The following TYRO3 variants were observed in gnomAD, a reference collection of about 807,000 sequenced individuals.
TYRO3 encodes TYRO3 protein tyrosine kinase.
In TYRO3, 38 loss-of-function variants were observed where a neutral mutation model predicts 95.2. The ratio of observed to expected loss-of-function variants is 0.40; its 90% CI spans 0.31 to 0.52. The LOEUF (loss-of-function observed/expected upper bound fraction) is 0.52. Ranked by LOEUF, TYRO3 falls within the 20% of genes least tolerant of loss-of-function variation. The probability of loss-of-function intolerance (pLI) is 0.56; values close to 1 mark genes in which losing one functional copy is unlikely to be tolerated. For synonymous variants in TYRO3, 367 were observed against 432.9 expected (o/e 0.85, Z 1.89); for missense variants, 812 against 1,116.4 (o/e 0.73, Z 3.89).
At chr15:41,567,236 G>A (rs886712357) in intron 6 of TYRO3, 124 bp from the exon 7 acceptor site, 58 of 741,968 alleles carry the variant, frequency 7.8e-5, no homozygotes, top group Non-Finnish European at 1.1e-4. Flanking sequence ...CAGATGGGAG[G>A]GCGTGGGTTG....
intron 18 of TYRO3, among the ~76,000 whole-genome samples, chr15:41,576,180 A>G (rs1225041066): frequency 6.6e-6 from 1 of 150,982 alleles, no homozygotes; most frequent in Non-Finnish European, 1.5e-5. Flanking sequence ...CAAAAGTTAT[A>G]TATGAATAGT....
chr15:41,559,395 C>T lies in TYRO3; in HGVS notation c.124+14C>T, dbSNP rs929723604. On this transcript the variant is annotated intron_variant, in intron 1 of 18. Coordinates refer to ENST00000263798, the MANE Select transcript of TYRO3 (RefSeq NM_006293.4). ...CCGCCGCCGCAGGTAGGGGCTGGCA[C>T]GGGAGGCGGCGGGAAGCGGGGGGCT... 1.1e-4 allele frequency: 20 copies of T among 176,052 alleles called. No individual in the cohort carries two copies. The highest frequency in any genetic ancestry group is 1.8e-4 in the Non-Finnish European group (15 of 81,488). The allele number at this position is 176,052 out of a possible 1,614,324, so 10.9% of individuals were successfully genotyped here. A position where few individuals can be genotyped will look rare whatever the true frequency, so the allele number is the denominator to read the frequency against.
rs943323348 is a variant in TYRO3 at position 41,577,767 on chromosome 15, C to A, written c.2283-119C>A. 3 of 1,063,080 alleles carry A rather than the reference C, an allele frequency of 2.8e-6. 1 individual carries two copies. Among genetic ancestry groups the A allele is most frequent in the South Asian group, 3.2e-5 (2 of 61,642 alleles). The allele number at this position is 1,063,080 out of a possible 1,614,324, so 65.9% of individuals were successfully genotyped here. On this transcript the variant is annotated intron_variant, in intron 18 of 18. Transcript: ENST00000263798. Reference sequence around the variant, plus strand: ...TCCCAAAGTGTTGAGATTACAGATGCGAGCCGCTGTGCCCCACCAGGGAAT... The same window carrying A: ...TCCCAAAGTGTTGAGATTACAGATGAGAGCCGCTGTGCCCCACCAGGGAAT...
rs901847458 is a variant in TYRO3, at chr15:41,583,454, A to G, written c.*5178A>G. On this transcript the variant is annotated 3_prime_UTR_variant, in exon 19 of 19. Transcript: ENST00000263798. Reference sequence around the variant, plus strand: ...AGAATTTCTTGAATAATCTGTCTCCATTTCTCTATATAGCCTCATTGATCT... The same window carrying G: ...AGAATTTCTTGAATAATCTGTCTCCGTTTCTCTATATAGCCTCATTGATCT... 2 of 152,086 alleles carry G rather than the reference A, an allele frequency of 1.3e-5. No individual in the cohort carries two copies. The highest frequency in any genetic ancestry group is 2.4e-5 in the African/African-American group (1 of 41,400). 9.4% of individuals were successfully genotyped at this position (152,086 alleles called of 1,614,324 possible).
At chr15:41,575,372 G>A (rs1407058046) in intron 18 of TYRO3, among the ~76,000 whole-genome samples, 1 of 152,254 alleles carries the variant, frequency 6.6e-6, no homozygotes, top group Non-Finnish European at 1.5e-5. Context: ...AAGCTCTGAA[G>A]GGCAGTGGGG....
rs768420836 is a variant in TYRO3 at position 41,573,438 on chromosome 15, G to A, written c.2116G>A (p.Asp706Asn). The change falls in exon 17 of 19, where the codon GAC becomes AAC. Residue 706 changes from aspartate to asparagine, a missense_variant. Coordinates refer to ENST00000263798, the MANE Select transcript of TYRO3 (RefSeq NM_006293.4). ...VKWLALESLA[D>N]NLYTVQSDVW... ...GTGGCTGGCCCTGGAGAGCCTGGCC[G>A]ACAACCTGTATACTGTGCAGAGTGA... 18 of 1,614,256 alleles carry A rather than the reference G, an allele frequency of 1.1e-5. No homozygotes were observed. The highest frequency in any genetic ancestry group is 1.6e-4 in the Middle Eastern group (1 of 6,062).
At position 41,571,191 on chromosome 15, in the gene TYRO3, C is replaced by T. The variant is rs536967534; in HGVS notation, c.1660+73C>T. The T allele has an allele frequency of 2.8e-6, 4 of 1,433,928 alleles. No homozygotes were observed. The Admixed American group carries it at 6.7e-5, about 24-fold the overall frequency. The allele number at this position is 1,433,928 out of a possible 1,614,324, so 88.8% of individuals were successfully genotyped here. On this transcript the variant is annotated intron_variant, in intron 13 of 18. Coordinates refer to ENST00000263798, the MANE Select transcript of TYRO3 (RefSeq NM_006293.4). Reference sequence around the variant, plus strand: ...GAGGGGCGACTGACCCTGAAGCAGGCTCTGCTTTGCCCCTAGATTTTCCAA... The same window carrying T: ...GAGGGGCGACTGACCCTGAAGCAGGTTCTGCTTTGCCCCTAGATTTTCCAA...
In TYRO3 at chr15:41,576,687, A is replaced by G. The variant is rs920658125; in HGVS notation, c.2283-1199A>G. 7.7e-4 allele frequency among the ~76,000 whole-genome samples: 108 copies of G among 140,608 alleles called. 1 individual carries two copies. In the South Asian group the frequency reaches 0.019, roughly 24 times the overall value. 92.2% of individuals were successfully genotyped at this position (140,608 alleles called of 152,430 possible). On this transcript the variant is annotated intron_variant, in intron 18 of 18. Coordinates refer to ENST00000263798, the MANE Select transcript of TYRO3 (RefSeq NM_006293.4). ...TTTTTTTTAAAAAAAAAAAAGAGAA[A>G]GGGCCTCGCTCTGACAGCCAGGCTG...
chr15:41,561,546 T>A lies in TYRO3; in HGVS notation c.316T>A (p.Ser106Thr). The change falls in exon 3 of 19, where the codon TCA becomes ACA. Residue 106 changes from serine (S) to threonine (T), a missense_variant. By Grantham distance (58) the Ser-to-Thr change is moderately conservative. Transcript: ENST00000263798. Reference sequence around the variant, plus strand: ...CGTATCCTGTTTCCACAGCCTGAAGTCAGTGGAGCGCTCTGACGCCGGCCG... The same window carrying A: ...CGTATCCTGTTTCCACAGCCTGAAGACAGTGGAGCGCTCTGACGCCGGCCG... Reference protein sequence around the residue: ...QHWIGFLSLKSVERSDAGRYW... With the variant: ...QHWIGFLSLKTVERSDAGRYW... 1 of 1,584,272 alleles carries A rather than the reference T, an allele frequency of 6.3e-7. No individual in the cohort carries two copies. Among genetic ancestry groups the A allele is most frequent in the Non-Finnish European group, 8.6e-7 (1 of 1,166,766 alleles).
chr15:41,568,837 C>A (rs1296183489), intron 8 of TYRO3, 41 bp from the exon 9 acceptor site: 1 of 1,597,424 alleles, frequency 6.3e-7, no homozygotes, highest in East Asian at 2.3e-5. Flanking sequence ...GAGGCCTTCT[C>A]CCCAGGCTCA....
intron 1 of TYRO3, among the ~76,000 whole-genome samples, chr15:41,560,896 T>C (rs1016532995): frequency 3.1e-4 from 47 of 152,158 alleles, no homozygotes; most frequent in African/African-American, 1.1e-3. Context: ...AAGGAGGACA[T>C]GGGGAAGAGG....
Position 41,561,566 on chromosome 15 carries a change from C to G in TYRO3, c.336C>G (p.Ala112=). Residue 112 remains alanine (A), a synonymous_variant, in exon 3 of 19, where the codon GCC becomes GCG. Coordinates refer to ENST00000263798, the MANE Select transcript of TYRO3 (RefSeq NM_006293.4). ...TGAAGTCAGTGGAGCGCTCTGACGC[C>G]GGCCGGTACTGGTGCCAGGTGGAGG... ...LSLKSVERSD[A]GRYWCQVEDG... is the part of the protein sequence containing the mutation. The G allele has an allele frequency of 6.3e-7, 1 of 1,592,614 alleles. No homozygotes were observed. The highest frequency in any genetic ancestry group is 1.1e-5 in the South Asian group (1 of 87,090).
At chr15:41,562,870 A>G in intron 4 of TYRO3, 152 bp downstream of exon 4, 1 of 795,788 alleles carries the variant, frequency 1.3e-6, no homozygotes, top group East Asian at 2.7e-5. Context: ...TACTAAGCTC[A>G]TTAGTCAGGT....
chr15:41,559,481 G>C (rs1050909644), intron 1 of TYRO3, 100 bp downstream of exon 1: 1 of 273,224 alleles, frequency 3.7e-6, no homozygotes, highest in South Asian at 1.6e-4. Context: ...GAGTCGGGGT[G>C]GGGGTCCGGA....
chr15:41,567,115 T>A (rs569129817), intron 6 of TYRO3, among the ~76,000 whole-genome samples: 1 of 151,688 alleles, frequency 6.6e-6, no homozygotes, highest in Admixed American at 6.6e-5. Flanking sequence ...TTGCACTGAG[T>A]CTTAAAGGAT....
intron 2 of TYRO3, 90 bp downstream of exon 2, chr15:41,561,400 A>T (rs750758929): frequency 2.7e-5 from 41 of 1,494,702 alleles, no homozygotes; most frequent in Non-Finnish European, 3.6e-5. Context: ...CCCTCTCCTG[A>T]TGCCCAGAGG....
intron 18 of TYRO3, 131 bp downstream of exon 18, chr15:41,573,946 C>T (rs765983401): frequency 1.0e-6 from 1 of 980,906 alleles, no homozygotes; most frequent in African/African-American, 1.6e-5. Flanking sequence ...GAAGGCTGCA[C>T]TCCACCTCAT....
At chr15:41,567,776 C>A (rs4924552) in intron 7 of TYRO3, among the ~76,000 whole-genome samples, 2 of 151,886 alleles carry the variant, frequency 1.3e-5, no homozygotes, top group African/African-American at 2.4e-5. Context: ...TTAAGGAAAC[C>A]CCCCCTAAAA....
chr15:41,570,907 T>C, intron 12 of TYRO3, 131 bp from the exon 13 acceptor site: 1 of 1,061,298 alleles, frequency 9.4e-7, no homozygotes, highest in Non-Finnish European at 1.4e-6. Context: ...TTGCTTTGGC[T>C]ACTGGCAAGG....
Sources: gnomAD v4.1 joint callset for allele counts (sites outside exome capture counted in the v4.1 genomes callset) on GRCh38, gnomAD v4.1.1 for gene constraint, MANE v1.5 for transcripts, NCBI Gene and HGNC (gene_info 2026-07-23, HGNC 2026-07-21) for gene names.